Variants in ZNF536 observed in about 807,000 individuals in gnomAD.
ZNF536 encodes zinc finger protein 536.
ZNF536 carries 13 observed loss-of-function variants against 84.5 expected under a neutral mutation model. The ratio of observed to expected loss-of-function variants is 0.15; its 90% CI spans 0.10 to 0.24. The LOEUF is 0.24. Among genes scored for constraint, ZNF536 ranks in the 10% least tolerant of loss-of-function variants. ZNF536 has a pLI of 1.00. For synonymous variants in ZNF536, 811 were observed against 742.5 expected (o/e 1.09, Z -1.50); for missense variants, 1,536 against 1,747.5 (o/e 0.88, Z 2.16).
upstream of ZNF536, among the ~76,000 whole-genome samples, chr19:30,369,798 G>A (rs1396353447): frequency 1.3e-5 from 2 of 151,970 alleles, no homozygotes; most frequent in South Asian, 2.1e-4. Flanking sequence ...TCAGAATAAA[G>A]TGTTTCCACT....
At chr19:30,531,596 C>T (rs2044824012) in intron 2 of ZNF536, among the ~76,000 whole-genome samples, 1 of 152,096 alleles carries the variant, frequency 6.6e-6, no homozygotes, top group Non-Finnish European at 1.5e-5. Flanking sequence ...GCTCCCCTCC[C>T]TACCTCCCCT....
At chr19:30,396,683 C>T (rs2049835727) in intron 1 of ZNF536, among the ~76,000 whole-genome samples, 2 of 151,540 alleles carry the variant, frequency 1.3e-5, no homozygotes, top group South Asian at 4.2e-4. Flanking sequence ...TCACTGCAAC[C>T]TCTGCCCCGC....
At chr19:30,593,313 C>CT (rs1165404936) in intron 1 of ZNF536, among the ~76,000 whole-genome samples, 1 of 152,138 alleles carries the variant, frequency 6.6e-6, no homozygotes. Flanking sequence ...AGGGAGGAAC[C>CT]TCATGAGGCT....
intron 1 of ZNF536, among the ~76,000 whole-genome samples, chr19:30,244,332 T>G (rs1243727425): frequency 2.0e-5 from 3 of 152,208 alleles, no homozygotes; most frequent in Non-Finnish European, 2.9e-5. Context: ...GCTGTTACAT[T>G]AAGGCCAAAT....
At chr19:30,259,291 C>T (rs1318060840) in intron 1 of ZNF536, among the ~76,000 whole-genome samples, 1 of 152,136 alleles carries the variant, frequency 6.6e-6, no homozygotes, top group East Asian at 1.9e-4. Flanking sequence ...TTCTGATGAT[C>T]AAAAATTTCA....
chr19:30,539,446 A>G (rs1803559494), intron 3 of ZNF536, among the ~76,000 whole-genome samples: 1 of 152,178 alleles, frequency 6.6e-6, no homozygotes, highest in Non-Finnish European at 1.5e-5. Flanking sequence ...TCATCCAGAA[A>G]CACCCCCATG....
At chr19:30,523,287 A>G (rs1291928554) in intron 2 of ZNF536, among the ~76,000 whole-genome samples, 1 of 152,196 alleles carries the variant, frequency 6.6e-6, no homozygotes, top group Non-Finnish European at 1.5e-5. Flanking sequence ...GTTGAAAGCC[A>G]CTATTAATTG....
intron 3 of ZNF536, among the ~76,000 whole-genome samples, chr19:30,546,261 CTG>C (rs2045554965): frequency 6.6e-6 from 1 of 152,364 alleles, no homozygotes; most frequent in South Asian, 2.1e-4. Context: ...CTGAAATTCT[CTG>C]TGCCTTTACC....
chr19:30,263,093 C>T lies in ZNF536; in HGVS notation c.-189-20979C>T, dbSNP rs1051021449. ...CTAGGTGAGCAAAGGCAGTGAGCCCCGAGAAGGAGGTGGGAGGAGGGCTGC... is the reference window on the plus strand; with the variant it reads ...CTAGGTGAGCAAAGGCAGTGAGCCCTGAGAAGGAGGTGGGAGGAGGGCTGC... On this transcript the variant is annotated intron_variant, in intron 1 of 5. Coordinates refer to the ZNF536 transcript ENST00000585628. 3.9e-5 allele frequency among the ~76,000 whole-genome samples: 6 copies of T among 152,106 alleles called. No homozygotes were observed. In the East Asian group the frequency reaches 9.7e-4, roughly 25 times the overall value.
intron 1 of ZNF536, among the ~76,000 whole-genome samples, chr19:30,630,876 T>G (rs1005926214): frequency 1.3e-5 from 2 of 152,234 alleles, no homozygotes; most frequent in African/African-American, 4.8e-5. Flanking sequence ...TATTGAGACC[T>G]TCTGGATCAG....
At chr19:30,562,866 ACT>A (rs2046221418), downstream of ZNF536, among the ~76,000 whole-genome samples, 1 of 151,564 alleles carries the variant, frequency 6.6e-6, no homozygotes, top group Non-Finnish European at 1.5e-5. Flanking sequence ...ACTCAAAATC[ACT>A]CTGAGCTTGC....
intron 1 of ZNF536, among the ~76,000 whole-genome samples, chr19:30,374,144 G>T (rs1276220069): frequency 6.6e-6 from 1 of 152,018 alleles, no homozygotes; most frequent in Non-Finnish European, 1.5e-5. Context: ...AAATATCCGG[G>T]TGCATGAAGA....
chr19:30,295,240 C>G lies in ZNF536; in HGVS notation c.-120+11099C>G, dbSNP rs577557120. Reference sequence around the variant, plus strand: ...TCTCAAACTTGGCTATCAATTATAACAACACAGGGAGCTTTTAAGACCCGC... The same window carrying G: ...TCTCAAACTTGGCTATCAATTATAAGAACACAGGGAGCTTTTAAGACCCGC... On this transcript the variant is annotated intron_variant, in intron 2 of 5. Transcript: ENST00000585628. 6.6e-5 allele frequency among the ~76,000 whole-genome samples: 10 copies of G among 151,886 alleles called. No individual in the cohort carries two copies. In the East Asian group the frequency reaches 1.6e-3, roughly 24 times the overall value.
At chr19:30,232,545 G>C (rs924993424) in intron 1 of ZNF536, among the ~76,000 whole-genome samples, 1 of 151,914 alleles carries the variant, frequency 6.6e-6, no homozygotes, top group Non-Finnish European at 1.5e-5. Flanking sequence ...TTGGTTTTCT[G>C]TTCCTGCGTT....
intron 1 of ZNF536, among the ~76,000 whole-genome samples, chr19:30,592,525 A>G (rs889272234): frequency 1.3e-5 from 2 of 152,190 alleles, no homozygotes; most frequent in African/African-American, 4.8e-5. Flanking sequence ...CAAGCTAAAG[A>G]TGCAGATTAT....
intron 1 of ZNF536, among the ~76,000 whole-genome samples, chr19:30,238,701 T>C (rs2023723646): frequency 6.6e-6 from 1 of 152,120 alleles, no homozygotes; most frequent in African/African-American, 2.4e-5. Context: ...TGTCTAGATA[T>C]ATAAAGTGTA....
intron 1 of ZNF536, among the ~76,000 whole-genome samples, chr19:30,708,075 A>G (rs1190457052): frequency 6.6e-6 from 1 of 152,180 alleles, no homozygotes; most frequent in Non-Finnish European, 1.5e-5. Flanking sequence ...TGATACAAGA[A>G]TATAATTAAT....
At chr19:30,580,966 C>T (rs549930098) in intron 1 of ZNF536, among the ~76,000 whole-genome samples, 4 of 152,254 alleles carry the variant, frequency 2.6e-5, no homozygotes, top group African/African-American at 9.6e-5. Context: ...GGTCCTCATT[C>T]GATCTGGAAG....
chr19:30,587,924 A>G (rs1028362930), intron 1 of ZNF536, among the ~76,000 whole-genome samples: 1 of 152,234 alleles, frequency 6.6e-6, no homozygotes, highest in African/African-American at 2.4e-5. Context: ...TTGGTGCATT[A>G]AAAAGGCACT....
Sources: allele counts gnomAD v4.1 joint callset (sites outside exome capture counted in the v4.1 genomes callset), GRCh38; gene constraint gnomAD v4.1.1; transcripts MANE v1.5; gene names NCBI Gene and HGNC (gene_info 2026-07-23, HGNC 2026-07-21).